The following XRCC5 variants were observed in gnomAD, a reference collection of about 807,000 sequenced individuals.
The protein encoded by XRCC5 is X-ray repair cross complementing 5.
Under a neutral mutation model 95.7 loss-of-function variants are expected in XRCC5, and 12 were observed. That is an observed-to-expected ratio of 0.13 (90% CI 0.08 to 0.20). The LOEUF is 0.20. XRCC5 is among the 10% of genes least tolerant of loss of function. The pLI is 1.00. For synonymous variants in XRCC5, 281 were observed against 290.3 expected, an observed-to-expected ratio of 0.97 and a Z score of 0.33; for missense variants, 595 against 873.9, an observed-to-expected ratio of 0.68 and a Z score of 4.02.
chr2:216,196,905 C>G lies in XRCC5; in HGVS notation c.2109+1919C>G, dbSNP rs41296769. ...ATTGTCACATGGTGTGAAGACCTAT[C>G]AATCAATTTTTGTTAAACAAGTAAA... is the stretch of plus-strand genomic sequence containing the variant. On this transcript the variant is annotated intron_variant, in intron 19 of 20. Coordinates refer to ENST00000392132, the MANE Select transcript of XRCC5 (RefSeq NM_021141.4). Among the ~76,000 whole-genome samples, 1,212 of 152,260 alleles carry G rather than the reference C, an allele frequency of 8.0e-3. 8 individuals are homozygous for G. The highest frequency in any genetic ancestry group is 0.013 in the Admixed American group (197 of 15,302).
At chr2:216,128,043 C>T (rs1336923449) in intron 8 of XRCC5, 2 of 153,328 alleles carry the variant, frequency 1.3e-5, no homozygotes, top group African/African-American at 4.8e-5. Flanking sequence ...CTTCTAAGGG[C>T]CAACTTCAGG....
At chr2:216,116,556 C>G in intron 2 of XRCC5, 103 bp from the exon 3 acceptor site, 1 of 1,321,464 alleles carries the variant, frequency 7.6e-7, no homozygotes, top group Non-Finnish European at 1.1e-6. Flanking sequence ...CCCCAGGGAC[C>G]TGCCATAGGG....
intron 16 of XRCC5, among the ~76,000 whole-genome samples, chr2:216,170,049 A>C (rs1311279297): frequency 1.5e-4 from 19 of 130,664 alleles, no homozygotes; most frequent in African/African-American, 7.5e-4. Flanking sequence ...AAAAAAAAAA[A>C]AAAAAAAAAA....
rs1486987325 is a variant in XRCC5 at position 216,204,359 on chromosome 2, C to G, written c.2147C>G (p.Ala716Gly). 2.5e-6 allele frequency: 4 copies of G among 1,613,932 alleles called. No homozygotes were observed. Among genetic ancestry groups the G allele is most frequent in the Non-Finnish European group, 3.4e-6 (4 of 1,179,846 alleles). Reference sequence around the variant, plus strand: ...AAAGACAAACCAAGTGGAGACACAGCAGCTGTATTTGAAGAAGGTGGTGAT... The same window carrying G: ...AAAGACAAACCAAGTGGAGACACAGGAGCTGTATTTGAAGAAGGTGGTGAT... The part of the protein sequence containing the change: ...APKDKPSGDT[A>G]AVFEEGGDVD... Residue 716 changes from alanine (A) to glycine (G), a missense_variant, in exon 20 of 21, where the codon GCA becomes GGA. Transcript: ENST00000392132.
intron 16 of XRCC5, among the ~76,000 whole-genome samples, chr2:216,166,626 A>G (rs1689058514): frequency 6.6e-6 from 1 of 152,186 alleles, no homozygotes; most frequent in African/African-American, 2.4e-5. Context: ...CAGCTAATCA[A>G]CAGAGTTGCT....
At chr2:216,204,031 C>G in intron 19 of XRCC5, 1 of 369,190 alleles carries the variant, frequency 2.7e-6, no homozygotes, top group South Asian at 3.1e-5. Flanking sequence ...GTCCACCATG[C>G]TTATACAGGA....
chr2:216,187,821 ACTCTCTCTCTCTCTCTCT>A (rs371097633), intron 16 of XRCC5, among the ~76,000 whole-genome samples: 1 of 47,970 alleles, frequency 2.1e-5, no homozygotes, highest in Non-Finnish European at 3.6e-5. Context: ...ACACACACAC[ACTCTCTCTCTCTCTCTCT>A]CTCTCTCTCT....
chr2:216,113,232 CTGTT>C (rs917176918), intron 2 of XRCC5, 103 bp downstream of exon 2: 28 of 922,610 alleles, frequency 3.0e-5, no homozygotes, highest in African/African-American at 2.8e-4. Flanking sequence ...TCCAGCCCCT[CTGTT>C]TGGGGGGATT....
rs140171958 is a variant in XRCC5, at chr2:216,187,466, CTGTGTGTGTGTGTGTG to C, written c.1835-2719_1835-2704del. ...AATATTTTTCTCTGTAAGATAGCAA[CTGTGTGTGTGTGTGTG>C]TGTGTGTGTGTGTGTGTGTGTGTGT... On this transcript the variant is annotated intron_variant, in intron 16 of 20. Coordinates refer to ENST00000392132, the MANE Select transcript of XRCC5 (RefSeq NM_021141.4). Among the ~76,000 whole-genome samples the C allele has an allele frequency of 3.0e-3, 332 of 111,378 alleles. 2 individuals carry two copies. Among genetic ancestry groups the C allele is most frequent in the South Asian group, 9.4e-3 (26 of 2,760 alleles). The allele number at this position is 111,378 out of a possible 152,430, so 73.1% of individuals were successfully genotyped here.
intron 16 of XRCC5, 88 bp downstream of exon 16, chr2:216,162,136 T>C: frequency 7.7e-7 from 1 of 1,291,914 alleles, no homozygotes; most frequent in Non-Finnish European, 1.1e-6. Flanking sequence ...CCTTTTGTTG[T>C]AACACTTTAG....
chr2:216,190,926 C>T (rs1689602809), intron 17 of XRCC5, among the ~76,000 whole-genome samples: 2 of 152,128 alleles, frequency 1.3e-5, no homozygotes, highest in Middle Eastern at 3.2e-3. Context: ...AATTAGAAAG[C>T]ATATTTTTTA....
intron 16 of XRCC5, among the ~76,000 whole-genome samples, chr2:216,171,825 G>T (rs1285661661): frequency 6.6e-6 from 1 of 152,096 alleles, no homozygotes; most frequent in African/African-American, 2.4e-5. Flanking sequence ...ATCTCTACAA[G>T]TCTCTTAGAT....
Position 216,148,128 on chromosome 2 carries a change from A to C in XRCC5, c.1522A>C (p.Ile508Leu), listed in dbSNP as rs2287558. 6.2e-7 allele frequency: 1 copy of C among 1,613,874 alleles called. No homozygotes were observed. The change falls in exon 14 of 21, where the codon ATT becomes CTT. Residue 508 changes from isoleucine to leucine, a missense_variant. By Grantham distance (5) the Ile-to-Leu change is conservative. Around this residue, in one of 2 missense-constraint regions of XRCC5, gnomAD observed 309 missense variants for 382.9 expected, o/e 0.81. Transcript: ENST00000392132. ...ALHPREPLPP[I>L]QQHIWNMLNP... ...ACATCCCCGGGAGCCTCTACCCCCA[A>C]TTCAGCAGCATATTTGGAATATGCT...
intron 16 of XRCC5, among the ~76,000 whole-genome samples, chr2:216,168,657 A>G (rs143191280): frequency 6.6e-6 from 1 of 152,204 alleles, no homozygotes; most frequent in Non-Finnish European, 1.5e-5. Flanking sequence ...GTGGTAGCAT[A>G]AAAATGAAAG....
intron 14 of XRCC5, among the ~76,000 whole-genome samples, chr2:216,153,139 C>T (rs1203184200): frequency 6.6e-6 from 1 of 152,164 alleles, no homozygotes; most frequent in African/African-American, 2.4e-5. Context: ...CAGCTTTTGC[C>T]CCCACCACAT....
intron 19 of XRCC5, among the ~76,000 whole-genome samples, chr2:216,198,720 T>G (rs1689780429): frequency 6.6e-6 from 1 of 151,936 alleles, no homozygotes; most frequent in Non-Finnish European, 1.5e-5. Context: ...ACCCAGCTAA[T>G]TTTTGTATTT....
intron 10 of XRCC5, among the ~76,000 whole-genome samples, chr2:216,136,759 G>C (rs868637981): frequency 2.6e-5 from 4 of 152,192 alleles, no homozygotes; most frequent in South Asian, 4.1e-4. Flanking sequence ...GTAAAGACAG[G>C]AAAGATACTG....
chr2:216,170,826 G>GATTTACT (rs1379173011), intron 16 of XRCC5, among the ~76,000 whole-genome samples: 1 of 152,186 alleles, frequency 6.6e-6, no homozygotes, highest in East Asian at 1.9e-4. Flanking sequence ...GAGACAGAGA[G>GATTTACT]CAGTTCAAGG....
intron 4 of XRCC5, 22 bp downstream of exon 4, chr2:216,117,816 G>A (rs764166575): frequency 4.3e-6 from 7 of 1,613,702 alleles, no homozygotes; most frequent in Admixed American, 1.7e-5. Flanking sequence ...AAGGAAGAGA[G>A]CTGGAAGAGA....
Sources: gnomAD v4.1 joint callset for allele counts (sites outside exome capture counted in the v4.1 genomes callset) on GRCh38, gnomAD v4.1.1 for gene constraint, gnomAD v4.1.1 regional missense constraint, MANE v1.5 for transcripts, NCBI Gene and HGNC (gene_info 2026-07-23, HGNC 2026-07-21) for gene names.